The following COL25A1 variants were observed in gnomAD, a reference collection of about 807,000 sequenced individuals.
COL25A1 encodes the protein collagen alpha-1(XXV) chain.
A neutral mutation model predicts 128.4 loss-of-function variants in COL25A1; 103 were observed. The observed-to-expected ratio is 0.80, with a 90% CI of 0.68 to 0.94. The LOEUF is 0.94. Ranked by LOEUF, COL25A1 falls within the 40% of genes least tolerant of loss-of-function variation. The probability of loss-of-function intolerance (pLI) is 0.00; values close to 1 mark genes in which losing one functional copy is unlikely to be tolerated. For synonymous variants in COL25A1, 279 were observed against 277.2 expected (o/e 1.01, Z -0.06); for missense variants, 745 against 840.0 (o/e 0.89, Z 1.40).
chr4:108,931,509 A>G (rs1196227358), intron 11 of COL25A1, among the ~76,000 whole-genome samples: 1 of 152,234 alleles, frequency 6.6e-6, no homozygotes, highest in Non-Finnish European at 1.5e-5. Context: ...TTTCTGCTAC[A>G]TAATCATGCT....
At chr4:109,188,791 C>G (rs1352041002) in intron 3 of COL25A1, among the ~76,000 whole-genome samples, 1 of 152,046 alleles carries the variant, frequency 6.6e-6, no homozygotes, top group African/African-American at 2.4e-5. Flanking sequence ...CCATGGAAAT[C>G]CTCCATAGAA....
chr4:108,884,468 C>T (rs1350088992), intron 18 of COL25A1, among the ~76,000 whole-genome samples: 5 of 152,068 alleles, frequency 3.3e-5, no homozygotes, highest in African/African-American at 9.7e-5. Context: ...TTGGTATCTC[C>T]GTCAGATGGC....
chr4:109,280,125 C>T (rs946046786), intron 3 of COL25A1, among the ~76,000 whole-genome samples: 13 of 152,154 alleles, frequency 8.5e-5, no homozygotes, highest in Admixed American at 5.9e-4. Flanking sequence ...TTAAACACTT[C>T]GCAGGACTGA....
intron 23 of COL25A1, among the ~76,000 whole-genome samples, chr4:108,860,153 C>G (rs1400013149): frequency 6.6e-6 from 1 of 152,156 alleles, no homozygotes; most frequent in Middle Eastern, 3.2e-3. Flanking sequence ...ACTCTGTTGC[C>G]CAGGCTGGAA....
chr4:109,028,303 C>T (rs1433976833), intron 5 of COL25A1, among the ~76,000 whole-genome samples: 2 of 152,224 alleles, frequency 1.3e-5, no homozygotes, highest in Admixed American at 1.3e-4. Flanking sequence ...GAGACAGGTT[C>T]TTGCTATGCT....
intron 3 of COL25A1, among the ~76,000 whole-genome samples, chr4:109,211,408 T>A (rs1287969538): frequency 6.7e-6 from 1 of 148,936 alleles, no homozygotes; most frequent in African/African-American, 2.5e-5. Context: ...TCCTTTCTGA[T>A]CATCTCCTAT....
At chr4:108,957,748 T>G (rs762057393) in intron 8 of COL25A1, among the ~76,000 whole-genome samples, 3 of 152,178 alleles carry the variant, frequency 2.0e-5, no homozygotes, top group Non-Finnish European at 4.4e-5. Flanking sequence ...GCCGATTGTC[T>G]AAATGGGTGA....
intron 3 of COL25A1, among the ~76,000 whole-genome samples, chr4:109,116,005 G>T (rs889437860): frequency 6.6e-6 from 1 of 151,970 alleles, no homozygotes; most frequent in African/African-American, 2.4e-5. Context: ...TCCAAAAACT[G>T]GGGAGACAGA....
At chr4:109,188,978 T>A (rs1775367029) in intron 3 of COL25A1, among the ~76,000 whole-genome samples, 1 of 152,154 alleles carries the variant, frequency 6.6e-6, no homozygotes, top group African/African-American at 2.4e-5. Context: ...TACAGTTTTT[T>A]AAATTATTTT....
intron 3 of COL25A1, among the ~76,000 whole-genome samples, chr4:109,297,001 T>C (rs1725043920): frequency 6.6e-6 from 1 of 152,094 alleles, no homozygotes; most frequent in Admixed American, 6.6e-5. Flanking sequence ...CCAATTAGAG[T>C]TGAATTTTAC....
chr4:109,164,813 A>T (rs1772914790), intron 3 of COL25A1, among the ~76,000 whole-genome samples: 2 of 152,192 alleles, frequency 1.3e-5, no homozygotes, highest in Non-Finnish European at 1.5e-5. Flanking sequence ...ATATTGATTA[A>T]CAATATGAAA....
At chr4:108,941,022 T>C (rs1230509423) in intron 9 of COL25A1, among the ~76,000 whole-genome samples, 1 of 152,234 alleles carries the variant, frequency 6.6e-6, no homozygotes, top group African/African-American at 2.4e-5. Context: ...GTTAGACAAA[T>C]GTGTTTACTT....
At chr4:109,019,176 G>A (rs1011265679) in intron 5 of COL25A1, among the ~76,000 whole-genome samples, 7 of 151,552 alleles carry the variant, frequency 4.6e-5, no homozygotes, top group East Asian at 1.9e-4. Context: ...AAGAGAGACC[G>A]GCCTAGCCTC....
intron 3 of COL25A1, among the ~76,000 whole-genome samples, chr4:109,243,047 A>G (rs1396424646): frequency 1.3e-5 from 2 of 152,070 alleles, no homozygotes; most frequent in Non-Finnish European, 2.9e-5. Flanking sequence ...CCTCTGACCA[A>G]CATCTCCCTT....
At chr4:109,258,834 C>T (rs1781249985) in intron 3 of COL25A1, among the ~76,000 whole-genome samples, 1 of 152,188 alleles carries the variant, frequency 6.6e-6, no homozygotes, top group Admixed American at 6.6e-5. Flanking sequence ...AGGATCCTCT[C>T]ATTCTCAAAT....
intron 37 of COL25A1, among the ~76,000 whole-genome samples, chr4:108,816,018 C>T (rs1731216471): frequency 6.6e-6 from 1 of 152,026 alleles, no homozygotes. Context: ...AGTGGTAATT[C>T]CAGCTCAAGA....
At chr4:108,975,226 G>A (rs924495561) in intron 6 of COL25A1, among the ~76,000 whole-genome samples, 1 of 152,198 alleles carries the variant, frequency 6.6e-6, no homozygotes, top group Non-Finnish European at 1.5e-5. Context: ...AGGCCAAAGC[G>A]GGTGGATCAC....
chr4:109,099,425 C>A (rs1765688467), intron 3 of COL25A1, among the ~76,000 whole-genome samples: 1 of 151,978 alleles, frequency 6.6e-6, no homozygotes, highest in Non-Finnish European at 1.5e-5. Flanking sequence ...AAAGGTATAG[C>A]AAACCATTCT....
chr4:108,968,598 TGTGA>T lies in COL25A1; in HGVS notation c.492+5765_492+5768del, dbSNP rs1451332492. Among the ~76,000 whole-genome samples, 5 of 152,154 alleles carry T rather than the reference TGTGA, an allele frequency of 3.3e-5. No individual in the cohort carries two copies. The East Asian group carries it at 9.7e-4, about 29-fold the overall frequency. On this transcript the variant is annotated intron_variant, in intron 8 of 37. Transcript: ENST00000399132. ...TTCCTTCCTCATCCCACTCCGTAAGTGTGAGTATTTTTAAAGACTCTATTCTAGG... is the reference window on the plus strand; with the variant it reads ...TTCCTTCCTCATCCCACTCCGTAAGTGTATTTTTAAAGACTCTATTCTAGG...
Sources: allele counts gnomAD v4.1 joint callset (sites outside exome capture counted in the v4.1 genomes callset), GRCh38; gene constraint gnomAD v4.1.1; transcripts MANE v1.5; gene names NCBI Gene and HGNC (gene_info 2026-07-23, HGNC 2026-07-21).